CHN2: variants seen among roughly 807,000 people sequenced by gnomAD.
The protein encoded by CHN2 is chimerin 2, also known as beta-chimaerin.
A neutral mutation model predicts 56.3 loss-of-function variants in CHN2; 35 were observed. That is an observed-to-expected ratio of 0.62 (90% CI 0.47 to 0.82). The LOEUF (loss-of-function observed/expected upper bound fraction) is 0.82. CHN2 is among the 40% of genes least tolerant of loss of function. The pLI is 0.00. For missense variants in CHN2, 491 were observed against 580.5 expected (o/e 0.85, Z 1.58); for synonymous variants, 210 against 212.8 (o/e 0.99, Z 0.12).
chr7:29,271,780 G>A (rs1479728029), intron 1 of CHN2, among the ~76,000 whole-genome samples: 1 of 152,116 alleles, frequency 6.6e-6, no homozygotes, highest in Non-Finnish European at 1.5e-5. Context: ...TGAAAAGCAG[G>A]CCAAGTAAGA....
chr7:29,347,831 A>G (rs1345291032), intron 1 of CHN2, among the ~76,000 whole-genome samples: 2 of 152,270 alleles, frequency 1.3e-5, no homozygotes, highest in Non-Finnish European at 2.9e-5. Flanking sequence ...AGAAAATAAC[A>G]TAGATCTATG....
At chr7:29,240,828 G>A (rs149807069) in intron 1 of CHN2, among the ~76,000 whole-genome samples, 3 of 151,314 alleles carry the variant, frequency 2.0e-5, no homozygotes, top group Non-Finnish European at 4.4e-5. Flanking sequence ...CGTCGTCGTC[G>A]TCGTCGTCTT....
intron 6 of CHN2, among the ~76,000 whole-genome samples, chr7:29,472,141 GT>G (rs1380170446): frequency 6.6e-6 from 1 of 152,052 alleles, no homozygotes. Flanking sequence ...AGCATTTCTA[GT>G]TTTTTCTCTT....
intron 1 of CHN2, among the ~76,000 whole-genome samples, chr7:29,199,322 CAG>C (rs1416112526): frequency 1.3e-5 from 2 of 152,174 alleles, no homozygotes; most frequent in Non-Finnish European, 2.9e-5. Flanking sequence ...TACTACAAAA[CAG>C]GGTATCTTAC....
intron 1 of CHN2, among the ~76,000 whole-genome samples, chr7:29,254,766 C>A (rs1788938131): frequency 1.3e-5 from 2 of 152,148 alleles, no homozygotes; most frequent in Admixed American, 1.3e-4. Context: ...GGCACCGTCT[C>A]CTTTCAAATG....
At chr7:29,429,073 T>C (rs1010962113) in intron 6 of CHN2, among the ~76,000 whole-genome samples, 4 of 152,190 alleles carry the variant, frequency 2.6e-5, no homozygotes, top group African/African-American at 9.7e-5. Context: ...CAGAAATGGA[T>C]GGGTCACCGC....
intron 6 of CHN2, among the ~76,000 whole-genome samples, chr7:29,412,896 G>A (rs1382300645): frequency 7.1e-6 from 1 of 140,152 alleles, no homozygotes; most frequent in East Asian, 2.5e-4. Context: ...ATTTGTAGGG[G>A]TGGGTGGGTG....
At chr7:29,239,929 A>AT (rs201995492) in intron 1 of CHN2, among the ~76,000 whole-genome samples, 35 of 152,290 alleles carry the variant, frequency 2.3e-4, no homozygotes, top group Non-Finnish European at 3.4e-4. Context: ...AGAAATCTAG[A>AT]TTTTTTTAAA....
Position 29,258,847 on chromosome 7 carries a change from C to T in CHN2, c.49+63857C>T, listed in dbSNP as rs114749317. 5.0e-3 allele frequency among the ~76,000 whole-genome samples: 763 copies of T among 152,274 alleles called. 6 individuals carry two copies. The highest frequency in any genetic ancestry group is 0.018 in the African/African-American group (734 of 41,534). On this transcript the variant is annotated intron_variant, in intron 1 of 12. Transcript: ENST00000222792. Reference sequence around the variant, plus strand: ...AATTTGGCATCATCTAACAGAAGTACACATGCAATCCCACTTCCATCTTTC... The same window carrying T: ...AATTTGGCATCATCTAACAGAAGTATACATGCAATCCCACTTCCATCTTTC...
At chr7:29,393,941 C>G (rs546529247) in intron 4 of CHN2, among the ~76,000 whole-genome samples, 1 of 152,252 alleles carries the variant, frequency 6.6e-6, no homozygotes, top group East Asian at 1.9e-4. Flanking sequence ...TTTCCCTCCA[C>G]AAAAGAGCTA....
chr7:29,273,362 TATATATATATATATATATATATATATAC>T (rs1307410334), intron 1 of CHN2, among the ~76,000 whole-genome samples: 9,626 of 86,422 alleles, frequency 0.11, 1,077 homozygotes, highest in African/African-American at 0.24. Context: ...TATATATATA[TATATATATATATATATATATATATATAC>T]ACACACCACA....
intron 1 of CHN2, among the ~76,000 whole-genome samples, chr7:29,297,421 C>A (rs184744660): frequency 6.6e-6 from 1 of 152,140 alleles, no homozygotes; most frequent in African/African-American, 2.4e-5. Flanking sequence ...TTTGGGGAAA[C>A]GGCAGTCAGA....
At chr7:29,294,076 G>T (rs12534516) in intron 1 of CHN2, among the ~76,000 whole-genome samples, 27,269 of 151,546 alleles carry the variant, frequency 0.18, 2,622 homozygotes, top group East Asian at 0.32. Flanking sequence ...CCGTGTTAGC[G>T]AGGATGGTCT....
intron 1 of CHN2, among the ~76,000 whole-genome samples, chr7:29,221,664 A>G (rs1305845222): frequency 1.3e-5 from 2 of 152,108 alleles, no homozygotes; most frequent in African/African-American, 2.4e-5. Context: ...ACATATGGCA[A>G]TGTGTTCTCA....
chr7:29,214,342 G>A (rs1209905328), intron 1 of CHN2, among the ~76,000 whole-genome samples: 2 of 152,116 alleles, frequency 1.3e-5, no homozygotes, highest in Non-Finnish European at 2.9e-5. Context: ...AGGAGCTGGA[G>A]TACCCTCTCC....
chr7:29,326,320 G>C (rs958375810), intron 1 of CHN2, among the ~76,000 whole-genome samples: 1 of 152,134 alleles, frequency 6.6e-6, no homozygotes, highest in African/African-American at 2.4e-5. Flanking sequence ...ACCATGCCCA[G>C]CTAATTTTTG....
At chr7:29,244,821 C>T (rs533750859) in intron 1 of CHN2, among the ~76,000 whole-genome samples, 1 of 152,058 alleles carries the variant, frequency 6.6e-6, no homozygotes, top group African/African-American at 2.4e-5. Context: ...GAGGCGTGAA[C>T]TCTCCCTCTA....
intron 6 of CHN2, among the ~76,000 whole-genome samples, chr7:29,412,320 CTTTTTTTTT>C (rs1158746299): frequency 0.015 from 1,049 of 69,434 alleles, 12 homozygotes; most frequent in African/African-American, 0.061. Flanking sequence ...GCTAAAGAGT[CTTTTTTTTT>C]TTTTTTTTTT....
intron 6 of CHN2, among the ~76,000 whole-genome samples, chr7:29,468,136 ACCCGC>A (rs201844418): frequency 0.031 from 1,137 of 36,124 alleles, 96 homozygotes; most frequent in African/African-American, 0.11. Context: ...AACCAAACGG[ACCCGC>A]CCCCCCCCCC....
Sources: gnomAD v4.1 joint callset for allele counts (sites outside exome capture counted in the v4.1 genomes callset) on GRCh38, gnomAD v4.1.1 for gene constraint, MANE v1.5 for transcripts, NCBI Gene and HGNC (gene_info 2026-07-23, HGNC 2026-07-21) for gene names.